The following ZNF713 variants were observed in gnomAD, a reference collection of about 807,000 sequenced individuals.
The protein encoded by ZNF713 is zinc finger protein 713.
ZNF713 carries 21 observed loss-of-function variants against 28.7 expected under a neutral mutation model. That is an observed-to-expected ratio of 0.73 (90% CI 0.52 to 1.05). The LOEUF (loss-of-function observed/expected upper bound fraction) is 1.05, where lower values mean the gene tolerates loss of function less well. Ranked by LOEUF, ZNF713 falls within the 50% of genes least tolerant of loss-of-function variation. The probability of loss-of-function intolerance (pLI) is 0.00; values close to 1 mark genes in which losing one functional copy is unlikely to be tolerated. For missense variants in ZNF713, 458 were observed against 532.4 expected (o/e 0.86, Z 1.37); for synonymous variants, 167 against 178.0 (o/e 0.94, Z 0.49).
chr7:55,888,010 C>T (rs1344056544), intron 1 of ZNF713, among the ~76,000 whole-genome samples: 1 of 151,824 alleles, frequency 6.6e-6, no homozygotes, highest in East Asian at 1.9e-4. Context: ...GAAGGTCTTA[C>T]CCGTTCCAAT....
intron 6 of ZNF713, among the ~76,000 whole-genome samples, chr7:55,936,000 C>T (rs935097552): frequency 3.3e-5 from 5 of 150,662 alleles, no homozygotes; most frequent in African/African-American, 1.2e-4. Context: ...CATGATGGCT[C>T]ACACTTGTAA....
At chr7:55,918,026 A>G (rs1212177763) in intron 4 of ZNF713, 1 of 456,246 alleles carries the variant, frequency 2.2e-6, no homozygotes, top group Non-Finnish European at 4.4e-6. Flanking sequence ...TGACTTTGAC[A>G]CTCATCCCAT....
chr7:55,935,443 G>A lies in ZNF713; in HGVS notation c.308-3539G>A, dbSNP rs558083381. On this transcript the variant is annotated intron_variant, in intron 6 of 6. Transcript: ENST00000429591. ...ACATGGGCAATACATACATTATCCT[G>A]TTTTGGTTTAAAAATAAATTAAAAC... is the stretch of plus-strand genomic sequence containing the variant. Among the ~76,000 whole-genome samples the A allele has an allele frequency of 9.9e-5, 15 of 152,128 alleles. No individual in the cohort carries two copies. The East Asian group carries it at 2.9e-3, about 29-fold the overall frequency.
chr7:55,925,396 G>A (rs969988668), intron 6 of ZNF713, among the ~76,000 whole-genome samples: 2 of 152,082 alleles, frequency 1.3e-5, no homozygotes, highest in Non-Finnish European at 2.9e-5. Context: ...GCCGAGGCGG[G>A]CAGATCACGA....
chr7:55,902,629 C>T (rs1051772100), intron 1 of ZNF713, among the ~76,000 whole-genome samples: 1 of 152,056 alleles, frequency 6.6e-6, no homozygotes, highest in Non-Finnish European at 1.5e-5. Context: ...CATTTTTGCC[C>T]TATCTCTTAA....
At chr7:55,889,696 C>T (rs75847145) in intron 1 of ZNF713, among the ~76,000 whole-genome samples, 1 of 144,900 alleles carries the variant, frequency 6.9e-6, no homozygotes, top group Middle Eastern at 3.5e-3. Flanking sequence ...TTTTTTTTTA[C>T]CCCCAAAAAA....
intron 1 of ZNF713, among the ~76,000 whole-genome samples, chr7:55,901,253 T>TGA (rs746102557): frequency 2.0e-3 from 296 of 148,890 alleles, no homozygotes; most frequent in East Asian, 0.015. Flanking sequence ...CAGCAGGCAG[T>TGA]GAGAGAGAGA....
chr7:55,918,236 A>C (rs1785922927), intron 4 of ZNF713: 1 of 352,672 alleles, frequency 2.8e-6, no homozygotes. Context: ...TATGGAGAGG[A>C]GCCAAGGCCC....
intron 6 of ZNF713, among the ~76,000 whole-genome samples, chr7:55,935,131 C>T (rs1037858495): frequency 1.2e-4 from 18 of 151,816 alleles, no homozygotes; most frequent in East Asian, 5.8e-4. Context: ...CCTCACGATC[C>T]GCCCACCTTG....
Position 55,932,053 on chromosome 7 carries a change from T to C in ZNF713, c.308-6929T>C, listed in dbSNP as rs150740042. 3.3e-4 allele frequency among the ~76,000 whole-genome samples: 51 copies of C among 152,332 alleles called. 1 individual carries two copies. In the East Asian group the frequency reaches 9.6e-3, roughly 29 times the overall value. On this transcript the variant is annotated intron_variant, in intron 6 of 6. Coordinates refer to ENST00000429591, the MANE Select transcript of ZNF713 (RefSeq NM_182633.3). The stretch of plus-strand genomic sequence containing the variant: ...GCTGAAAAGAAAGTGTTCCAGTTGA[T>C]AGTTTGGTTGAAATAATACATCGGT...
intron 6 of ZNF713, among the ~76,000 whole-genome samples, chr7:55,937,075 G>T (rs1328627776): frequency 6.6e-6 from 1 of 152,144 alleles, no homozygotes; most frequent in Non-Finnish European, 1.5e-5. Flanking sequence ...AAGGCGGGCG[G>T]ATTGCCTGAG....
At chr7:55,930,937 C>T (rs1786197574) in intron 6 of ZNF713, among the ~76,000 whole-genome samples, 1 of 152,118 alleles carries the variant, frequency 6.6e-6, no homozygotes, top group Non-Finnish European at 1.5e-5. Flanking sequence ...TGTTAACCAC[C>T]ACTTTCATTA....
intron 4 of ZNF713, among the ~76,000 whole-genome samples, chr7:55,918,852 G>A (rs984825239): frequency 6.6e-6 from 1 of 151,982 alleles, no homozygotes; most frequent in African/African-American, 2.4e-5. Flanking sequence ...AATTAGCCAG[G>A]GCATGGTGGT....
rs189660643 is a variant in ZNF713 at position 55,927,500 on chromosome 7, G to T, written c.307+3801G>T. 6.0e-3 allele frequency among the ~76,000 whole-genome samples: 907 copies of T among 152,180 alleles called. 2 individuals carry two copies. Among genetic ancestry groups the T allele is most frequent in the Non-Finnish European group, 8.6e-3 (586 of 68,006 alleles). On this transcript the variant is annotated intron_variant, in intron 6 of 6. Coordinates refer to ENST00000429591, the MANE Select transcript of ZNF713 (RefSeq NM_182633.3). ...ATGGCACCACTGCACTCCAGCCTGG[G>T]CAATAGAGCGAGACCTTGTCTGAAA...
chr7:55,938,700 C>T (rs879556579), intron 6 of ZNF713, among the ~76,000 whole-genome samples: 1 of 152,154 alleles, frequency 6.6e-6, no homozygotes, highest in East Asian at 1.9e-4. Flanking sequence ...ATGTCTTATT[C>T]TCCTGTCCAT....
At chr7:55,928,774 A>G (rs1318437774) in intron 6 of ZNF713, among the ~76,000 whole-genome samples, 1 of 152,160 alleles carries the variant, frequency 6.6e-6, no homozygotes, top group Non-Finnish European at 1.5e-5. Context: ...ACAAAAATAA[A>G]CCTGAATAAA....
At chr7:55,930,245 G>T (rs11765577) in intron 6 of ZNF713, among the ~76,000 whole-genome samples, 43,578 of 151,954 alleles carry the variant, frequency 0.29, 6,652 homozygotes, top group Middle Eastern at 0.38. Context: ...ACAAATTAAA[G>T]CTGCACAAAT....
chr7:55,929,444 G>A (rs1046386985), intron 6 of ZNF713, among the ~76,000 whole-genome samples: 1 of 152,174 alleles, frequency 6.6e-6, no homozygotes, highest in African/African-American at 2.4e-5. Context: ...GTAGTAAAGT[G>A]TTGAGACAAC....
At position 55,929,574 on chromosome 7, in the gene ZNF713, A is replaced by T. The variant is rs1446842866; in HGVS notation, c.307+5875A>T. 2.6e-5 allele frequency among the ~76,000 whole-genome samples: 4 copies of T among 152,144 alleles called. No individual in the cohort carries two copies. In the South Asian group the frequency reaches 8.3e-4, roughly 31 times the overall value. On this transcript the variant is annotated intron_variant, in intron 6 of 6. Coordinates refer to ENST00000429591, the MANE Select transcript of ZNF713 (RefSeq NM_182633.3). ...AAACTCCAAAGGAAACAGATTTTAC[A>T]CGTAAAACATGAAACTATAAGAGAT...
Sources: gnomAD v4.1 joint callset for allele counts (sites outside exome capture counted in the v4.1 genomes callset) on GRCh38, gnomAD v4.1.1 for gene constraint, MANE v1.5 for transcripts, NCBI Gene and HGNC (gene_info 2026-07-23, HGNC 2026-07-21) for gene names.